The following FNDC3A variants were observed in gnomAD, a reference collection of about 807,000 sequenced individuals.
FNDC3A encodes fibronectin type-III domain-containing protein 3A.
In FNDC3A, 32 loss-of-function variants were observed where a neutral mutation model predicts 148.9. The ratio of observed to expected loss-of-function variants is 0.21; its 90% CI spans 0.16 to 0.29. FNDC3A has a LOEUF of 0.29. Among genes scored for constraint, FNDC3A ranks in the 10% least tolerant of loss-of-function variants. The pLI is 1.00. For missense variants in FNDC3A, 1,191 were observed against 1,452.8 expected (o/e 0.82, Z 2.93); for synonymous variants, 472 against 473.6 (o/e 1.00, Z 0.04).
At chr13:49,060,638 G>A (rs1490967011) in intron 2 of FNDC3A, among the ~76,000 whole-genome samples, 3 of 88,456 alleles carry the variant, frequency 3.4e-5, no homozygotes, top group African/African-American at 4.4e-5. Flanking sequence ...AACGAGACTC[G>A]GTCTCAAAAA....
At chr13:49,182,566 C>T (rs1015261145) in intron 14 of FNDC3A, among the ~76,000 whole-genome samples, 6 of 151,732 alleles carry the variant, frequency 4.0e-5, no homozygotes, top group African/African-American at 1.5e-4. Flanking sequence ...TTTCCAGTCC[C>T]CACTTTGGAT....
intron 19 of FNDC3A, 133 bp from the exon 20 acceptor site, chr13:49,196,744 A>G: frequency 2.0e-6 from 1 of 509,652 alleles, no homozygotes; most frequent in Middle Eastern, 3.8e-4. Flanking sequence ...GAATACTTAT[A>G]GAATTATGAC....
chr13:49,125,584 C>A (rs564691046), intron 4 of FNDC3A, among the ~76,000 whole-genome samples: 1 of 152,118 alleles, frequency 6.6e-6, no homozygotes, highest in African/African-American at 2.4e-5. Context: ...ACCCTAATAG[C>A]TTCATGGTGT....
intron 2 of FNDC3A, among the ~76,000 whole-genome samples, chr13:49,074,060 G>A (rs1441241861): frequency 4.0e-5 from 6 of 151,850 alleles, no homozygotes; most frequent in Non-Finnish European, 8.8e-5. Context: ...GAGGGCATTC[G>A]AAGTAGTATT....
At chr13:49,015,316 TC>T (rs1356808811) in intron 2 of FNDC3A, among the ~76,000 whole-genome samples, 1 of 152,198 alleles carries the variant, frequency 6.6e-6, no homozygotes, top group African/African-American at 2.4e-5. Context: ...GTCCTTCACA[TC>T]CCTTGTAAGT....
chr13:49,047,146 ATT>A lies in FNDC3A; in HGVS notation c.100-28131_100-28130del, dbSNP rs199748221. 1.8e-3 allele frequency among the ~76,000 whole-genome samples: 259 copies of A among 144,056 alleles called. 1 individual carries two copies. The highest frequency in any genetic ancestry group is 6.1e-3 in the African/African-American group (242 of 39,526). The allele number at this position is 144,056 out of a possible 152,430, so 94.5% of individuals were successfully genotyped here. A position where few individuals can be genotyped will look rare whatever the true frequency, so the allele number is the denominator to read the frequency against. ...CATCCAGGTTGCTGCAAGTGCCATT[ATT>A]TTTTTTTTTTTAATGCCTGAGTAGT... is the stretch of plus-strand genomic sequence containing the variant. On this transcript the variant is annotated intron_variant, in intron 2 of 25. Coordinates refer to ENST00000492622, the MANE Select transcript of FNDC3A (RefSeq NM_001079673.2).
chr13:49,167,192 G>A (rs1360113608), intron 8 of FNDC3A, 52 bp from the exon 9 acceptor site: 1 of 1,094,200 alleles, frequency 9.1e-7, no homozygotes, highest in Non-Finnish European at 1.4e-6. Context: ...AATGTACATT[G>A]GTTGAAAATG....
chr13:49,026,371 A>G (rs909782931), intron 2 of FNDC3A, among the ~76,000 whole-genome samples: 3 of 152,228 alleles, frequency 2.0e-5, no homozygotes, highest in African/African-American at 4.8e-5. Flanking sequence ...AACAAATTCT[A>G]GTTGATTCTG....
At chr13:49,202,928 C>T (rs746797277) in intron 24 of FNDC3A, among the ~76,000 whole-genome samples, 9 of 152,162 alleles carry the variant, frequency 5.9e-5, no homozygotes, top group Non-Finnish European at 7.3e-5. Flanking sequence ...GAGCTATGAT[C>T]GCACCACTGT....
intron 17 of FNDC3A, among the ~76,000 whole-genome samples, 157 bp from the exon 18 acceptor site, chr13:49,190,857 AT>A (rs1207891291): frequency 6.6e-6 from 1 of 151,588 alleles, no homozygotes; most frequent in Non-Finnish European, 1.5e-5. Context: ...TTGGGTTTTC[AT>A]TTTTTTTCAG....
chr13:49,138,710 C>A (rs182140212), intron 6 of FNDC3A, 37 bp from the exon 7 acceptor site: 1 of 1,075,896 alleles, frequency 9.3e-7, no homozygotes. Flanking sequence ...TATCTAAGTT[C>A]TTTTTTTTAA....
chr13:49,174,353 G>C, intron 11 of FNDC3A, 82 bp from the exon 12 acceptor site: 1 of 1,147,052 alleles, frequency 8.7e-7, no homozygotes, highest in East Asian at 2.4e-5. Context: ...TTGCTAATAT[G>C]TAACTGTCAA....
At chr13:49,200,232 AT>A (rs1886360587) in intron 23 of FNDC3A, among the ~76,000 whole-genome samples, 2 of 152,196 alleles carry the variant, frequency 1.3e-5, no homozygotes, top group African/African-American at 4.8e-5. Context: ...CAACAATGAA[AT>A]ATTCATGGTG....
chr13:49,204,443 A>G (rs1340306426), intron 25 of FNDC3A, among the ~76,000 whole-genome samples: 1 of 152,122 alleles, frequency 6.6e-6, no homozygotes, highest in Non-Finnish European at 1.5e-5. Context: ...GTATTGTGCT[A>G]TTGTAACCAC....
Position 49,168,808 on chromosome 13 carries a change from G to C in FNDC3A, c.1176+57G>C. 8 of 1,490,242 alleles carry C rather than the reference G, an allele frequency of 5.4e-6. No individual in the cohort carries two copies. In the South Asian group the frequency reaches 7.2e-5, roughly 13 times the overall value. The allele number at this position is 1,490,242 out of a possible 1,614,324, so 92.3% of individuals were successfully genotyped here. A position where few individuals can be genotyped will look rare whatever the true frequency, so the allele number is the denominator to read the frequency against. Reference sequence around the variant, plus strand: ...GACATGTGTTTCTTTGTTTCCCCTGGTAGTATTAAGTTTCAATTGTTGCTG... The same window carrying C: ...GACATGTGTTTCTTTGTTTCCCCTGCTAGTATTAAGTTTCAATTGTTGCTG... On this transcript the variant is annotated intron_variant, in intron 10 of 25. Transcript: ENST00000492622.
At chr13:48,997,842 G>T (rs1361079900) in intron 1 of FNDC3A, among the ~76,000 whole-genome samples, 2 of 151,864 alleles carry the variant, frequency 1.3e-5, no homozygotes, top group Non-Finnish European at 2.9e-5. Flanking sequence ...AAAAATGTGG[G>T]AGTAGCTTTG....
chr13:49,064,013 C>T (rs1034126368), intron 2 of FNDC3A, among the ~76,000 whole-genome samples: 1 of 152,098 alleles, frequency 6.6e-6, no homozygotes, highest in Non-Finnish European at 1.5e-5. Context: ...GAAATTCAAA[C>T]AACCCAATTG....
chr13:49,161,351 A>G (rs981766947), intron 8 of FNDC3A, among the ~76,000 whole-genome samples: 4 of 152,124 alleles, frequency 2.6e-5, no homozygotes, highest in African/African-American at 9.7e-5. Context: ...TCCCTTTACC[A>G]TTATGTAATG....
At chr13:49,132,713 C>T (rs1301957758) in intron 5 of FNDC3A, among the ~76,000 whole-genome samples, 1 of 152,188 alleles carries the variant, frequency 6.6e-6, no homozygotes, top group Non-Finnish European at 1.5e-5. Context: ...TTTTCAAAAC[C>T]ACCAAGTTCT....
Sources: allele counts gnomAD v4.1 joint callset (sites outside exome capture counted in the v4.1 genomes callset), GRCh38; gene constraint gnomAD v4.1.1; transcripts MANE v1.5; gene names NCBI Gene and HGNC (gene_info 2026-07-23, HGNC 2026-07-21).